The following C3orf33 variants were observed in gnomAD, a reference collection of about 807,000 sequenced individuals.
C3orf33 encodes the protein mitochondrial inner membrane subdomain organizer 1, also known as AP-1 activity suppressor.
Under a neutral mutation model 28.7 loss-of-function variants are expected in C3orf33, and 23 were observed. That is an observed-to-expected ratio of 0.80 (90% confidence interval 0.58 to 1.13). The LOEUF (loss-of-function observed/expected upper bound fraction) is 1.13, where lower values mean the gene tolerates loss of function less well. C3orf33 is among the 50% of genes most tolerant of loss of function. The pLI is 0.00. For synonymous variants in C3orf33, 119 were observed against 120.5 expected (o/e 0.99, Z 0.08); for missense variants, 327 against 353.4 (o/e 0.93, Z 0.60).
At chr3:155,789,063 T>C (rs543784910) in intron 2 of C3orf33, among the ~76,000 whole-genome samples, 14 of 152,248 alleles carry the variant, frequency 9.2e-5, no homozygotes, top group East Asian at 1.9e-4. Context: ...AGCAATTCCA[T>C]TGGCCAGGTG....
intron 2 of C3orf33, among the ~76,000 whole-genome samples, chr3:155,785,158 C>A (rs975405543): frequency 8.6e-5 from 13 of 151,360 alleles, no homozygotes; most frequent in African/African-American, 3.1e-4. Context: ...ATAAAATATT[C>A]AAAAAAAGCA....
At chr3:155,798,699 C>T (rs1751552235) in intron 2 of C3orf33, among the ~76,000 whole-genome samples, 1 of 152,140 alleles carries the variant, frequency 6.6e-6, no homozygotes, top group Non-Finnish European at 1.5e-5. Context: ...CTCTCCAGGA[C>T]ATTGGACTGA....
chr3:155,788,403 G>A (rs1056594022), intron 2 of C3orf33, among the ~76,000 whole-genome samples: 8 of 151,808 alleles, frequency 5.3e-5, no homozygotes, highest in African/African-American at 4.8e-5. Flanking sequence ...AACCATATTC[G>A]GCTGGGCGCA....
chr3:155,788,689 AAAAG>A (rs1351408361), intron 2 of C3orf33, among the ~76,000 whole-genome samples: 1 of 151,210 alleles, frequency 6.6e-6, no homozygotes, highest in African/African-American at 2.5e-5. Flanking sequence ...AAAAAAAAAA[AAAAG>A]AAAGAAAAAA....
intron 2 of C3orf33, among the ~76,000 whole-genome samples, chr3:155,787,489 C>T (rs1019319431): frequency 1.5e-4 from 22 of 151,526 alleles, no homozygotes; most frequent in African/African-American, 5.3e-4. Context: ...GTAGCTGGGA[C>T]TACAGGTGCA....
intron 3 of C3orf33, among the ~76,000 whole-genome samples, chr3:155,770,995 GAGACATAGTTTTGCTCTGCCAC>G (rs1750568558): frequency 4.0e-4 from 21 of 52,860 alleles, no homozygotes; most frequent in African/African-American, 8.6e-4. Context: ...TGTGTGTGTT[GAGACATAGTTTTGCTCTGCCAC>G]TGTGTGTGTG....
Position 155,763,706 on chromosome 3 carries a change from G to T in C3orf33, c.696C>A (p.Ser232=). 1.9e-6 allele frequency: 3 copies of T among 1,593,028 alleles called. No individual in the cohort carries two copies. Among genetic ancestry groups the T allele is most frequent in the South Asian group, 1.2e-5 (1 of 85,576 alleles). The change falls in exon 5 of 5, where the codon TCC becomes TCA. Residue 232 remains serine, a synonymous_variant. Coordinates refer to ENST00000340171, the MANE Select transcript of C3orf33 (RefSeq NM_001308229.2). ...KESYLEKFKD[S]WREIWKKDSF... Reference sequence around the variant, plus strand: ...TGTCCTTTTTCCATATTTCTCTCCAGGAATCTTTGAATTTTTCTAAGTAAC... The same window carrying T: ...TGTCCTTTTTCCATATTTCTCTCCATGAATCTTTGAATTTTTCTAAGTAAC...
intron 2 of C3orf33, among the ~76,000 whole-genome samples, chr3:155,782,462 A>G (rs1006941807): frequency 6.6e-6 from 1 of 152,194 alleles, no homozygotes; most frequent in Admixed American, 6.5e-5. Flanking sequence ...ATATTAGCAA[A>G]CTGAATAAAG....
intron 2 of C3orf33, among the ~76,000 whole-genome samples, chr3:155,785,447 T>C (rs908059547): frequency 1.3e-5 from 2 of 152,340 alleles, no homozygotes; most frequent in East Asian, 1.9e-4. Flanking sequence ...AGATAGACCA[T>C]TTGTTAGGCC....
intron 2 of C3orf33, among the ~76,000 whole-genome samples, chr3:155,798,674 A>C (rs1345304783): frequency 6.6e-6 from 1 of 152,218 alleles, no homozygotes; most frequent in Non-Finnish European, 1.5e-5. Flanking sequence ...CTCCTACAAG[A>C]AAACATTGGG....
At chr3:155,795,510 T>C (rs1751449508) in intron 2 of C3orf33, among the ~76,000 whole-genome samples, 1 of 151,934 alleles carries the variant, frequency 6.6e-6, no homozygotes, top group South Asian at 2.1e-4. Context: ...ATATCAAATA[T>C]CTTCTCTGAC....
intron 2 of C3orf33, among the ~76,000 whole-genome samples, chr3:155,796,772 A>G (rs1222700849): frequency 6.6e-6 from 1 of 152,236 alleles, no homozygotes; most frequent in Non-Finnish European, 1.5e-5. Context: ...AAATCCTCAA[A>G]GAAATACCTA....
chr3:155,766,485 A>G (rs192515017), intron 4 of C3orf33, among the ~76,000 whole-genome samples: 3 of 152,332 alleles, frequency 2.0e-5, no homozygotes, highest in Non-Finnish European at 4.4e-5. Flanking sequence ...TATCAACAAC[A>G]TATTGGACCA....
intron 2 of C3orf33, among the ~76,000 whole-genome samples, chr3:155,801,695 G>A (rs1342719059): frequency 6.6e-6 from 1 of 152,062 alleles, no homozygotes; most frequent in Admixed American, 6.6e-5. Context: ...AAAATGGAAC[G>A]ATAGATGCCA....
intron 3 of C3orf33, among the ~76,000 whole-genome samples, chr3:155,769,158 C>T (rs531930252): frequency 8.0e-4 from 121 of 152,026 alleles, no homozygotes; most frequent in African/African-American, 2.6e-3. Context: ...ACTAAAAATA[C>T]GAAATTAGCC....
At position 155,763,543 on chromosome 3, in the gene C3orf33, G is replaced by A. The variant is rs1414381648; in HGVS notation, c.859C>T (p.Arg287Cys). The change falls in exon 5 of 5, where the codon CGC becomes TGC. Residue 287 changes from arginine to cysteine, a missense_variant. Arg to Cys is a radical substitution (Grantham distance 180). Transcript: ENST00000340171. ...CACCCTTTTCTACGAAAGTTTATGC[G>A]ACTTATAAGTTCTCTGAACTTCAGT... ...LILKFRELIS[R>C]INFRRKG 10 of 1,517,532 alleles carry A rather than the reference G, an allele frequency of 6.6e-6. No homozygotes were observed. Among genetic ancestry groups the A allele is most frequent in the South Asian group, 1.4e-5 (1 of 73,552 alleles). The allele number at this position is 1,517,532 out of a possible 1,614,324, so 94.0% of individuals were successfully genotyped here.
rs73003554 is a variant in C3orf33 at position 155,805,723 on chromosome 3, C to T, written c.114+416G>A. 9,145 of 445,732 alleles carry T rather than the reference C, an allele frequency of 0.021. 704 individuals are homozygous for T. The highest frequency in any genetic ancestry group is 0.17 in the African/African-American group (8,306 of 49,730). 27.6% of individuals were successfully genotyped at this position (445,732 alleles called of 1,614,324 possible). On this transcript the variant is annotated intron_variant, in intron 1 of 4. Coordinates refer to ENST00000340171, the MANE Select transcript of C3orf33 (RefSeq NM_001308229.2). ...TTGGGCCAGAGAGGAATACCGTGTC[C>T]CTAAAAAATAAAATTAAAAATAAAT...
chr3:155,772,550 A>G (rs935148556), intron 3 of C3orf33, among the ~76,000 whole-genome samples: 1 of 151,982 alleles, frequency 6.6e-6, no homozygotes, highest in African/African-American at 2.4e-5. Context: ...GTATGACAGC[A>G]GAATCATCTA....
chr3:155,775,878 C>T, intron 2 of C3orf33, 30 bp from the exon 3 acceptor site: 1 of 1,472,818 alleles, frequency 6.8e-7, no homozygotes, highest in Admixed American at 2.0e-5. Flanking sequence ...AAAATATAAC[C>T]ACTTATTATT....
Sources: gnomAD v4.1 joint callset for allele counts (sites outside exome capture counted in the v4.1 genomes callset) on GRCh38, gnomAD v4.1.1 for gene constraint, MANE v1.5 for transcripts, NCBI Gene and HGNC (gene_info 2026-07-23, HGNC 2026-07-21) for gene names.